TSNAX: variants seen among roughly 807,000 people sequenced by gnomAD.
TSNAX encodes the protein translin-associated protein X.
TSNAX carries 12 observed loss-of-function variants against 33.0 expected under a neutral mutation model. The ratio of observed to expected loss-of-function variants is 0.36; its 90% CI spans 0.23 to 0.59. The LOEUF (loss-of-function observed/expected upper bound fraction) is 0.59. Ranked by LOEUF, TSNAX falls within the 20% of genes least tolerant of loss-of-function variation. TSNAX has a pLI of 0.74. For synonymous variants in TSNAX, 110 were observed against 117.2 expected (o/e 0.94, Z 0.40); for missense variants, 267 against 341.3 (o/e 0.78, Z 1.72).
At position 231,566,298 on chromosome 1, in the gene TSNAX, A is replaced by G. The variant is rs900454046; in HGVS notation, c.*1393A>G. The G allele has an allele frequency of 2.0e-5, 3 of 152,594 alleles. No individual in the cohort carries two copies. The highest frequency in any genetic ancestry group is 7.2e-5 in the African/African-American group (3 of 41,444). 9.5% of individuals were successfully genotyped at this position (152,594 alleles called of 1,614,324 possible). ...ACAATGGTAATCGTTAGTAATATTT[A>G]GAATTGGAATTTGCCTACTGAAATA... On this transcript the variant is annotated 3_prime_UTR_variant, in exon 6 of 6. Coordinates refer to ENST00000366639, the MANE Select transcript of TSNAX (RefSeq NM_005999.3).
intron 4 of TSNAX, among the ~76,000 whole-genome samples, chr1:231,549,150 G>T (rs1361351803): frequency 6.6e-6 from 1 of 152,132 alleles, no homozygotes. Flanking sequence ...ATTGATGGGA[G>T]ACTGGAGATT....
intron 4 of TSNAX, among the ~76,000 whole-genome samples, chr1:231,555,163 C>T (rs1660608218): frequency 6.6e-6 from 1 of 152,198 alleles, no homozygotes; most frequent in Non-Finnish European, 1.5e-5. Flanking sequence ...ACTCAGTTGT[C>T]TCTCTATAGA....
At chr1:231,537,570 G>A (rs1374807420) in intron 3 of TSNAX, among the ~76,000 whole-genome samples, 2 of 151,910 alleles carry the variant, frequency 1.3e-5, no homozygotes, top group Admixed American at 1.3e-4. Flanking sequence ...GTGAAACCCT[G>A]TCTCTACTAA....
intron 3 of TSNAX, among the ~76,000 whole-genome samples, chr1:231,538,171 TTACTA>T (rs1659312001): frequency 6.6e-6 from 1 of 152,226 alleles, no homozygotes; most frequent in African/African-American, 2.4e-5. Flanking sequence ...CTCTAGGACT[TTACTA>T]TTTTATTTTT....
rs1353692745 is a variant in TSNAX at position 231,528,788 on chromosome 1, G to A, written c.-23G>A. On this transcript the variant is annotated 5_prime_UTR_variant, in exon 1 of 6. Transcript: ENST00000366639. ...GCTCCAGGTCCTTCAGTCTCCGCTC[G>A]TCTCACCGTAGGCTGTGACGACATG... 1.2e-6 allele frequency: 2 copies of A among 1,613,990 alleles called. No individual in the cohort carries two copies. The highest frequency in any genetic ancestry group is 2.7e-5 in the African/African-American group (2 of 74,908).
Position 231,528,829 on chromosome 1 carries a change from G to A in TSNAX, c.16+3G>A. ...TGACGACATGAGCAACAAAGAAGGT[G>A]GCGTCCTTAACAACACGGGGCGTTA... On this transcript the variant is annotated splice_donor_region_variant and intron_variant, in intron 1 of 5. Transcript: ENST00000366639. 6.2e-7 allele frequency: 1 copy of A among 1,614,184 alleles called. No individual in the cohort carries two copies. The highest frequency in any genetic ancestry group is 8.5e-7 in the Non-Finnish European group (1 of 1,180,042).
chr1:231,563,914 A>ATT (rs560000831), intron 5 of TSNAX, among the ~76,000 whole-genome samples: 2,068 of 151,450 alleles, frequency 0.014, 56 homozygotes, highest in African/African-American at 0.047. Flanking sequence ...TGTGATTACC[A>ATT]TTTTTTTTTA....
intron 4 of TSNAX, among the ~76,000 whole-genome samples, chr1:231,557,120 A>G (rs184763395): frequency 0.015 from 2,354 of 151,974 alleles, 79 homozygotes; most frequent in African/African-American, 0.054. Flanking sequence ...TAGTGAGTTC[A>G]TTGTTGGAAG....
intron 2 of TSNAX, among the ~76,000 whole-genome samples, chr1:231,532,131 AACACAC>A (rs745744924): frequency 0.03 from 2,546 of 85,030 alleles, 49 homozygotes; most frequent in Middle Eastern, 0.051. Flanking sequence ...TAGTGGTAAT[AACACAC>A]ACACACACAC....
chr1:231,540,664 C>T lies in TSNAX; in HGVS notation c.237-1817C>T, dbSNP rs183265843. On this transcript the variant is annotated intron_variant, in intron 3 of 5. Coordinates refer to ENST00000366639, the MANE Select transcript of TSNAX (RefSeq NM_005999.3). ...TCAGATTGGCTGATAGTGGTGTTCGCGTCACTTATTTCCTTATGATTTTCT... is the reference window on the plus strand; with the variant it reads ...TCAGATTGGCTGATAGTGGTGTTCGTGTCACTTATTTCCTTATGATTTTCT... Among the ~76,000 whole-genome samples, 356 of 152,226 alleles carry T rather than the reference C, an allele frequency of 2.3e-3. 2 individuals carry two copies. Among genetic ancestry groups the T allele is most frequent in the African/African-American group, 7.9e-3 (329 of 41,542 alleles).
Position 231,549,602 on chromosome 1 carries a change from T to G in TSNAX, c.367+6991T>G, listed in dbSNP as rs148977731. Among the ~76,000 whole-genome samples the G allele has an allele frequency of 9.3e-3, 1,416 of 152,302 alleles. 29 individuals carry two copies. Among genetic ancestry groups the G allele is most frequent in the African/African-American group, 0.032 (1,317 of 41,560 alleles). On this transcript the variant is annotated intron_variant, in intron 4 of 5. Transcript: ENST00000366639. ...CAGAAAGTTAGATTAATTCATGGTT[T>G]GGGTCGTGCTCATTATTTGGCAGTA... is the stretch of plus-strand genomic sequence containing the variant.
chr1:231,552,271 A>G (rs12076474), intron 4 of TSNAX, among the ~76,000 whole-genome samples: 1,979 of 152,252 alleles, frequency 0.013, 35 homozygotes, highest in African/African-American at 0.045. Flanking sequence ...CCTGGGCAAC[A>G]GAGCCAGGTT....
intron 4 of TSNAX, among the ~76,000 whole-genome samples, chr1:231,549,184 G>A (rs372742996): frequency 1.6e-4 from 24 of 152,274 alleles, no homozygotes; most frequent in African/African-American, 5.8e-4. Flanking sequence ...GATGGCTCAC[G>A]CCTGTAATCC....
intron 4 of TSNAX, among the ~76,000 whole-genome samples, chr1:231,560,228 C>G (rs962819050): frequency 2.0e-5 from 3 of 151,890 alleles, no homozygotes; most frequent in Non-Finnish European, 2.9e-5. Context: ...ATCCACCCGC[C>G]TGGGCCTCCC....
chr1:231,558,299 G>A (rs1313262192), intron 4 of TSNAX, among the ~76,000 whole-genome samples: 3 of 152,114 alleles, frequency 2.0e-5, no homozygotes, highest in African/African-American at 7.3e-5. Context: ...TTGAAGTGCT[G>A]GCTGCCCCAT....
rs1659798244 is a variant in TSNAX, at chr1:231,544,770, T to C, written c.367+2159T>C. Among the ~76,000 whole-genome samples the C allele has an allele frequency of 3.9e-5, 6 of 152,022 alleles. No homozygotes were observed. The South Asian group carries it at 1.2e-3, about 32-fold the overall frequency. Reference sequence around the variant, plus strand: ...TACATTGTCTTACAGAACAGAGAAATGGAGAGAAAAAGGTGAAAGGGAAAT... The same window carrying C: ...TACATTGTCTTACAGAACAGAGAAACGGAGAGAAAAAGGTGAAAGGGAAAT... On this transcript the variant is annotated intron_variant, in intron 4 of 5. Coordinates refer to ENST00000366639, the MANE Select transcript of TSNAX (RefSeq NM_005999.3).
intron 4 of TSNAX, among the ~76,000 whole-genome samples, chr1:231,552,647 T>C (rs1385093621): frequency 2.0e-5 from 3 of 152,252 alleles, no homozygotes; most frequent in Non-Finnish European, 4.4e-5. Context: ...TTGTTTTTAC[T>C]GTTTCCACAA....
At chr1:231,561,101 T>C in intron 4 of TSNAX, 27 bp from the exon 5 acceptor site, 1 of 1,600,006 alleles carries the variant, frequency 6.2e-7, no homozygotes, top group South Asian at 1.2e-5. Flanking sequence ...TGCTTATTCT[T>C]AGTAATTTTC....
chr1:231,550,950 A>T (rs1660258333), intron 4 of TSNAX, among the ~76,000 whole-genome samples: 1 of 152,220 alleles, frequency 6.6e-6, no homozygotes, highest in Non-Finnish European at 1.5e-5. Flanking sequence ...CATCTAAAAA[A>T]TTAAGAAATG....
Sources: gnomAD v4.1 joint callset for allele counts (sites outside exome capture counted in the v4.1 genomes callset) on GRCh38, gnomAD v4.1.1 for gene constraint, MANE v1.5 for transcripts, NCBI Gene and HGNC (gene_info 2026-07-23, HGNC 2026-07-21) for gene names.